Variants in RPS6KC1 observed in about 807,000 individuals in gnomAD.
RPS6KC1 encodes inactive ribosomal protein S6 kinase delta-1.
RPS6KC1 carries 54 observed loss-of-function variants against 103.8 expected under a neutral mutation model. That is an observed-to-expected ratio of 0.52 (90% CI 0.42 to 0.65). The LOEUF (loss-of-function observed/expected upper bound fraction) is 0.65, where lower values mean the gene tolerates loss of function less well. Ranked by LOEUF, RPS6KC1 falls within the 30% of genes least tolerant of loss-of-function variation. The pLI is 0.00. For synonymous variants in RPS6KC1, 439 were observed against 438.7 expected, an observed-to-expected ratio of 1.00 and a Z score of -0.01; for missense variants, 1,151 against 1,253.8, an observed-to-expected ratio of 0.92 and a Z score of 1.24.
the RPS6KC1 span, among the ~76,000 whole-genome samples, chr1:213,376,813 C>A: frequency 2.2e-4 from 34 of 152,288 alleles, no homozygotes; most frequent in African/African-American, 5.1e-4. Flanking sequence ...ACAATCAACA[C>A]CCCCAAAGTT....
the RPS6KC1 span, among the ~76,000 whole-genome samples, chr1:213,716,187 C>CTG: frequency 2.0e-5 from 3 of 151,832 alleles, no homozygotes; most frequent in African/African-American, 7.3e-5. Flanking sequence ...TGTGGATGCT[C>CTG]TGTGTGTGTG....
At chr1:213,526,207 T>A in the RPS6KC1 span, among the ~76,000 whole-genome samples, 1 of 152,214 alleles carries the variant, frequency 6.6e-6, no homozygotes, top group Admixed American at 6.5e-5. Flanking sequence ...AATGTTTACA[T>A]ATTCTCTTCC....
At chr1:213,437,025 C>T in the RPS6KC1 span, among the ~76,000 whole-genome samples, 1 of 151,976 alleles carries the variant, frequency 6.6e-6, no homozygotes, top group Non-Finnish European at 1.5e-5. Flanking sequence ...ACTAGGACCT[C>T]TAGGAGTATA....
chr1:213,464,634 T>C, the RPS6KC1 span, among the ~76,000 whole-genome samples: 2 of 152,182 alleles, frequency 1.3e-5, no homozygotes, highest in African/African-American at 4.8e-5. Context: ...TTCTAGATTT[T>C]TAAGTAGTTT....
the RPS6KC1 span, among the ~76,000 whole-genome samples, chr1:213,711,677 C>T: frequency 1.3e-5 from 2 of 152,040 alleles, no homozygotes; most frequent in Non-Finnish European, 2.9e-5. Flanking sequence ...GCTGTTGGTG[C>T]CCTTCAGATG....
At chr1:213,690,522 C>G in the RPS6KC1 span, among the ~76,000 whole-genome samples, 3 of 152,196 alleles carry the variant, frequency 2.0e-5, no homozygotes, top group Non-Finnish European at 2.9e-5. Context: ...ACTGGCCAAT[C>G]AAAGGGAGTT....
At chr1:213,748,699 A>G in the RPS6KC1 span, among the ~76,000 whole-genome samples, 10 of 152,268 alleles carry the variant, frequency 6.6e-5, no homozygotes, top group African/African-American at 2.4e-4. Flanking sequence ...AGGCCATCTC[A>G]GGCAATACTA....
chr1:213,400,357 A>G, the RPS6KC1 span, among the ~76,000 whole-genome samples: 1 of 152,286 alleles, frequency 6.6e-6, no homozygotes, highest in Admixed American at 6.5e-5. Flanking sequence ...CTTGAAATCA[A>G]TTTGTAGTTA....
chr1:213,705,534 C>T, the RPS6KC1 span, among the ~76,000 whole-genome samples: 39 of 152,322 alleles, frequency 2.6e-4, no homozygotes, highest in African/African-American at 9.4e-4. Flanking sequence ...CTCCCCTCTG[C>T]CCCAGGGCAG....
the RPS6KC1 span, among the ~76,000 whole-genome samples, chr1:213,445,470 G>T: frequency 2.6e-5 from 4 of 152,262 alleles, no homozygotes; most frequent in East Asian, 7.7e-4. Flanking sequence ...TTACAGAAGT[G>T]ACATTCTCAC....
chr1:213,396,679 C>T, the RPS6KC1 span, among the ~76,000 whole-genome samples: 1 of 152,210 alleles, frequency 6.6e-6, no homozygotes, highest in Admixed American at 6.5e-5. Flanking sequence ...TACATGCTCT[C>T]CTCTGTGCAG....
chr1:213,564,456 G>T, the RPS6KC1 span, among the ~76,000 whole-genome samples: 1 of 152,170 alleles, frequency 6.6e-6, no homozygotes, highest in Non-Finnish European at 1.5e-5. Context: ...AGGGAACTTT[G>T]TTCCTTCTGG....
chr1:213,624,680 A>G, the RPS6KC1 span, among the ~76,000 whole-genome samples: 1 of 152,148 alleles, frequency 6.6e-6, no homozygotes, highest in Non-Finnish European at 1.5e-5. Context: ...TACGCTTAAT[A>G]GCCAGGAGGC....
the RPS6KC1 span, among the ~76,000 whole-genome samples, chr1:213,479,653 A>G: frequency 6.6e-6 from 1 of 152,072 alleles, no homozygotes; most frequent in Non-Finnish European, 1.5e-5. Context: ...GAACTGAAAC[A>G]TCAGTACAGC....
the RPS6KC1 span, among the ~76,000 whole-genome samples, chr1:213,596,593 A>C: frequency 6.6e-6 from 1 of 152,370 alleles, no homozygotes; most frequent in South Asian, 2.1e-4. Flanking sequence ...CTGCGCAGTA[A>C]GTGGGCTCCT....
intron 3 of RPS6KC1, among the ~76,000 whole-genome samples, chr1:213,098,865 G>A (rs2081739782): frequency 6.6e-6 from 1 of 152,194 alleles, no homozygotes; most frequent in African/African-American, 2.4e-5. Context: ...TGCAGTATCT[G>A]TGAAGAGCAG....
At chr1:213,295,176 A>G in the RPS6KC1 span, among the ~76,000 whole-genome samples, 37 of 152,298 alleles carry the variant, frequency 2.4e-4, no homozygotes, top group East Asian at 7.2e-3. Flanking sequence ...ATGAGGGTGT[A>G]TATCTTGTGA....
intron 8 of RPS6KC1, among the ~76,000 whole-genome samples, chr1:213,200,834 G>T (rs570318843): frequency 6.6e-6 from 1 of 152,240 alleles, no homozygotes; most frequent in African/African-American, 2.4e-5. Flanking sequence ...CTTTTTAAAA[G>T]AAGACATACA....
chr1:213,669,706 C>T, the RPS6KC1 span, among the ~76,000 whole-genome samples: 2 of 152,054 alleles, frequency 1.3e-5, no homozygotes, highest in Non-Finnish European at 1.5e-5. Context: ...CCATCATTCA[C>T]CTTATTTGAT....
Sources: allele counts gnomAD v4.1 joint callset (sites outside exome capture counted in the v4.1 genomes callset), GRCh38; gene constraint gnomAD v4.1.1; transcripts MANE v1.5; gene names NCBI Gene and HGNC (gene_info 2026-07-23, HGNC 2026-07-21).